NR1I2: variants seen among roughly 807,000 people sequenced by gnomAD.
NR1I2 encodes the protein orphan nuclear receptor PAR1.
Under a neutral mutation model 43.3 loss-of-function variants are expected in NR1I2, and 42 were observed. The ratio of observed to expected loss-of-function variants is 0.97; its 90% CI spans 0.76 to 1.26. NR1I2 has a LOEUF of 1.26. Ranked by LOEUF, NR1I2 falls within the 50% of genes most tolerant of loss-of-function variation. The probability of loss-of-function intolerance (pLI) is 0.00; values close to 1 mark genes in which losing one functional copy is unlikely to be tolerated. For synonymous variants in NR1I2, 229 were observed against 215.0 expected (o/e 1.06, Z -0.57); for missense variants, 559 against 566.7 (o/e 0.99, Z 0.14).
chr3:119,792,452 A>C (rs1423876404), intron 1 of NR1I2: 1 of 1,154,142 alleles, frequency 8.7e-7, no homozygotes, highest in African/African-American at 1.5e-5. Context: ...GGAGCTGTGC[A>C]AGCTGGAAGC....
At chr3:119,790,095 A>G (rs1200224123) in intron 1 of NR1I2, among the ~76,000 whole-genome samples, 1 of 151,762 alleles carries the variant, frequency 6.6e-6, no homozygotes, top group African/African-American at 2.4e-5. Flanking sequence ...CATTCCCCTC[A>G]CCCCACAGCC....
chr3:119,783,582 A>G (rs2054806934), intron 1 of NR1I2, among the ~76,000 whole-genome samples: 1 of 152,230 alleles, frequency 6.6e-6, no homozygotes. Flanking sequence ...TATGGAATAA[A>G]CCCAAGACAA....
intron 1 of NR1I2, among the ~76,000 whole-genome samples, chr3:119,802,134 T>G (rs1347951576): frequency 6.6e-6 from 1 of 152,110 alleles, no homozygotes; most frequent in Non-Finnish European, 1.5e-5. Flanking sequence ...GCATGGCTCC[T>G]GGGGGCCACC....
chr3:119,803,015 T>C (rs535022299), intron 1 of NR1I2: 17 of 455,396 alleles, frequency 3.7e-5, no homozygotes, highest in South Asian at 1.2e-4. Flanking sequence ...AGAACCCTCA[T>C]GATTGAGTTA....
intron 1 of NR1I2, among the ~76,000 whole-genome samples, chr3:119,803,361 G>T (rs1284391360): frequency 1.3e-5 from 2 of 151,358 alleles, no homozygotes; most frequent in African/African-American, 2.4e-5. Context: ...GAGAGAGAGA[G>T]AGAGAGAGAG....
chr3:119,784,887 C>T (rs2054822788), intron 1 of NR1I2, among the ~76,000 whole-genome samples: 1 of 152,028 alleles, frequency 6.6e-6, no homozygotes, highest in East Asian at 1.9e-4. Flanking sequence ...GATTTTTTCC[C>T]CCAATAAATA....
At chr3:119,782,472 C>A (rs1432058218) in intron 1 of NR1I2, among the ~76,000 whole-genome samples, 172 bp downstream of exon 1, 1 of 152,058 alleles carries the variant, frequency 6.6e-6, no homozygotes, top group Non-Finnish European at 1.5e-5. Flanking sequence ...AAAAAAAAAG[C>A]ATGAAAACAA....
Position 119,818,323 on chromosome 3 carries a change from G to T in NR1I2, c.*1111G>T. The T allele has an allele frequency of 1.0e-6, 1 of 985,382 alleles. No individual in the cohort carries two copies. The highest frequency in any genetic ancestry group is 1.2e-6 in the Non-Finnish European group (1 of 829,918). 61.0% of individuals were successfully genotyped at this position (985,382 alleles called of 1,614,324 possible). On this transcript the variant is annotated 3_prime_UTR_variant, in exon 9 of 9. Coordinates refer to ENST00000393716, the MANE Select transcript of NR1I2 (RefSeq NM_003889.4). ...TCTCAAAGCTAAAGGGTATGAAAGT[G>T]CCTGCCTTGTTTATAGCCACTTGTG...
intron 8 of NR1I2, among the ~76,000 whole-genome samples, chr3:119,816,395 A>G (rs2055328502): frequency 6.6e-6 from 1 of 152,130 alleles, no homozygotes. Context: ...TCCAGCCTGC[A>G]GCCCCTAACC....
Position 119,806,024 on chromosome 3 carries a change from T to C in NR1I2, c.-22-1205T>C, listed in dbSNP as rs866412080. 3.3e-5 allele frequency among the ~76,000 whole-genome samples: 5 copies of C among 152,200 alleles called. No individual in the cohort carries two copies. In the South Asian group the frequency reaches 8.3e-4, roughly 25 times the overall value. On this transcript the variant is annotated intron_variant, in intron 1 of 8. Transcript: ENST00000393716. The stretch of plus-strand genomic sequence containing the variant: ...TACTCTTACAGGTGAAACTGTCAGA[T>C]GTCACCTGTCATGATGTTGGAAACA...
chr3:119,787,337 AC>A (rs1184991998), intron 1 of NR1I2, among the ~76,000 whole-genome samples: 1 of 151,554 alleles, frequency 6.6e-6, no homozygotes, highest in Non-Finnish European at 1.5e-5. Flanking sequence ...ACTGGAACAC[AC>A]CCCAGAGCCC....
intron 1 of NR1I2, among the ~76,000 whole-genome samples, chr3:119,793,174 A>T (rs1231726680): frequency 1.3e-5 from 2 of 152,188 alleles, no homozygotes; most frequent in East Asian, 3.9e-4. Context: ...TACAGCCTTC[A>T]GAAGCACGAG....
chr3:119,798,625 G>C (rs1407708209), intron 1 of NR1I2, among the ~76,000 whole-genome samples: 1 of 126,664 alleles, frequency 7.9e-6, no homozygotes, highest in African/African-American at 3.4e-5. Context: ...GGGCGACAAA[G>C]AGAGACTCCG....
chr3:119,811,493 C>A, intron 3 of NR1I2, 46 bp from the exon 4 acceptor site: 1 of 1,562,172 alleles, frequency 6.4e-7, no homozygotes. Flanking sequence ...GGGCTGGAGG[C>A]TCACCAGGGG....
chr3:119,793,215 C>G (rs73854708), intron 1 of NR1I2, among the ~76,000 whole-genome samples: 6,633 of 152,190 alleles, frequency 0.044, 202 homozygotes, highest in Middle Eastern at 0.092. Context: ...CATAAATTAC[C>G]CAGCCTCAGA....
chr3:119,813,579 G>T (rs2055275982), intron 5 of NR1I2, among the ~76,000 whole-genome samples: 2 of 152,154 alleles, frequency 1.3e-5, no homozygotes, highest in South Asian at 4.1e-4. Flanking sequence ...AGGCCACCTT[G>T]CCTTGCCAAG....
rs2107981066 is a variant in NR1I2, at chr3:119,817,258, G to A, written c.*46G>A. ...CCTCCGAGAGGCAGCCAGACCCAGA[G>A]CCCTCTGAGCCGCCACTCCCGGGCC... On this transcript the variant is annotated 3_prime_UTR_variant, in exon 9 of 9. Coordinates refer to ENST00000393716, the MANE Select transcript of NR1I2 (RefSeq NM_003889.4). 1 of 1,608,442 alleles carries A rather than the reference G, an allele frequency of 6.2e-7. No individual in the cohort carries two copies.
rs554580939 is a variant in NR1I2 at position 119,795,202 on chromosome 3, C to T, written c.-22-12027C>T. The stretch of plus-strand genomic sequence containing the variant: ...AGCTGTGTCCCAGACAGCGACTCTC[C>T]GGCTGTGACCCTGGAGAGTCCTTTA... On this transcript the variant is annotated intron_variant, in intron 1 of 8. Coordinates refer to ENST00000393716, the MANE Select transcript of NR1I2 (RefSeq NM_003889.4). Among the ~76,000 whole-genome samples the T allele has an allele frequency of 1.5e-3, 234 of 152,246 alleles. 1 individual carries two copies. The highest frequency in any genetic ancestry group is 5.5e-3 in the African/African-American group (227 of 41,548).
rs776337288 is a variant in NR1I2 at position 119,812,912 on chromosome 3, A to G, written c.746A>G (p.Tyr249Cys). 6.2e-6 allele frequency: 10 copies of G among 1,613,964 alleles called. No homozygotes were observed. ...CCCCACATGGCTGACATGTCAACCT[A>G]CATGTTCAAAGGCATCATCAGCTTT... The change falls in exon 5 of 9, where the codon TAC becomes TGC. Residue 249 changes from tyrosine to cysteine, a missense_variant. Physicochemically the swap from Tyr to Cys is radical, Grantham distance 194 (BLOSUM62 -2). Transcript: ENST00000393716.
Sources: gnomAD v4.1 joint callset for allele counts (sites outside exome capture counted in the v4.1 genomes callset) on GRCh38, gnomAD v4.1.1 for gene constraint, MANE v1.5 for transcripts, NCBI Gene and HGNC (gene_info 2026-07-23, HGNC 2026-07-21) for gene names.